TNR: variants seen among roughly 807,000 people sequenced by gnomAD.
The protein encoded by TNR is tenascin-R.
A neutral mutation model predicts 150.4 loss-of-function variants in TNR; 45 were observed. The ratio of observed to expected loss-of-function variants is 0.30; its 90% CI spans 0.24 to 0.38. The LOEUF (loss-of-function observed/expected upper bound fraction) is 0.38. Ranked by LOEUF, TNR falls within the 10% of genes least tolerant of loss-of-function variation. The pLI, the probability that TNR is intolerant of heterozygous loss-of-function variation, is 1.00. For synonymous variants in TNR, 687 were observed against 678.4 expected, an observed-to-expected ratio of 1.01 and a Z score of -0.20; for missense variants, 1,544 against 1,759.1, an observed-to-expected ratio of 0.88 and a Z score of 2.19.
In TNR at chr1:175,579,613, T is replaced by C. The variant is rs114592517; in HGVS notation, c.-164-51244A>G. Among the ~76,000 whole-genome samples, 1,274 of 151,280 alleles carry C rather than the reference T, an allele frequency of 8.4e-3. 23 individuals are homozygous for C. Among genetic ancestry groups the C allele is most frequent in the African/African-American group, 0.028 (1,154 of 41,170 alleles). On this transcript the variant is annotated intron_variant, in intron 1 of 22. Coordinates refer to ENST00000367674, the MANE Select transcript of TNR (RefSeq NM_003285.3). ...ATGGTCAAGGTCAGGAATTTGGATG[T>C]TATCTAGTATCAGTTATAACCCACT...
At chr1:175,458,097 T>A (rs900852702) in intron 2 of TNR, among the ~76,000 whole-genome samples, 18 of 152,248 alleles carry the variant, frequency 1.2e-4, no homozygotes. Context: ...GTGTGTAAAG[T>A]GCTGAGCACA....
intron 2 of TNR, among the ~76,000 whole-genome samples, chr1:175,473,639 C>T (rs749189450): frequency 3.3e-5 from 5 of 152,190 alleles, no homozygotes; most frequent in Admixed American, 1.3e-4. Flanking sequence ...ATTTGGGTGG[C>T]TCCTGCCCCT....
chr1:175,458,973 G>A (rs1349201825), intron 2 of TNR, among the ~76,000 whole-genome samples: 1 of 145,232 alleles, frequency 6.9e-6, no homozygotes, highest in Non-Finnish European at 1.5e-5. Context: ...TCACCACCAC[G>A]TTAACCACAC....
chr1:175,596,001 G>A (rs564304901), intron 1 of TNR, among the ~76,000 whole-genome samples: 239 of 152,168 alleles, frequency 1.6e-3, no homozygotes, highest in African/African-American at 5.5e-3. Context: ...GAATCCTATG[G>A]TTCTTCTGTT....
intron 1 of TNR, among the ~76,000 whole-genome samples, chr1:175,731,339 A>C (rs1239880964): frequency 6.6e-6 from 1 of 152,234 alleles, no homozygotes; most frequent in Non-Finnish European, 1.5e-5. Context: ...GAAACTCTAT[A>C]GTAATTCTAC....
At chr1:175,332,083 C>T (rs1288002820) in intron 20 of TNR, among the ~76,000 whole-genome samples, 2 of 152,210 alleles carry the variant, frequency 1.3e-5, no homozygotes, top group African/African-American at 2.4e-5. Context: ...ATCCATCCCC[C>T]AGGCTGCTAC....
chr1:175,469,121 T>C (rs1030905765), intron 2 of TNR, among the ~76,000 whole-genome samples: 12 of 152,160 alleles, frequency 7.9e-5, no homozygotes, highest in African/African-American at 2.9e-4. Flanking sequence ...TGAGCTCAGT[T>C]TGAGGCTTAT....
At chr1:175,712,348 G>C (rs1667040749) in intron 1 of TNR, among the ~76,000 whole-genome samples, 1 of 152,140 alleles carries the variant, frequency 6.6e-6, no homozygotes, top group Admixed American at 6.5e-5. Flanking sequence ...GAATTGCTCT[G>C]AGGATAGCAT....
At chr1:175,699,961 C>A (rs1467204141) in intron 1 of TNR, among the ~76,000 whole-genome samples, 1 of 151,646 alleles carries the variant, frequency 6.6e-6, no homozygotes, top group African/African-American at 2.4e-5. Context: ...TAGTCTGGGT[C>A]CTACAAGAAG....
chr1:175,348,159 C>T (rs1175823318), intron 18 of TNR, among the ~76,000 whole-genome samples: 1 of 151,846 alleles, frequency 6.6e-6, no homozygotes, highest in African/African-American at 2.4e-5. Context: ...AAATTATCAG[C>T]AATACAAAAT....
At chr1:175,376,247 T>C (rs559920266) in intron 9 of TNR, among the ~76,000 whole-genome samples, 2 of 152,310 alleles carry the variant, frequency 1.3e-5, no homozygotes, top group South Asian at 4.1e-4. Context: ...ATCCAGTAGC[T>C]CACAGACCTC....
chr1:175,735,883 G>T (rs1667756640), intron 1 of TNR, among the ~76,000 whole-genome samples: 1 of 152,118 alleles, frequency 6.6e-6, no homozygotes, highest in Non-Finnish European at 1.5e-5. Context: ...ACAATTTCAA[G>T]GTAATTAATT....
intron 1 of TNR, among the ~76,000 whole-genome samples, chr1:175,550,035 G>T (rs1392256568): frequency 6.6e-6 from 1 of 152,146 alleles, no homozygotes; most frequent in Non-Finnish European, 1.5e-5. Context: ...AAGTAATAAA[G>T]ATTTAAGCCC....
At chr1:175,455,515 A>G (rs569170001) in intron 2 of TNR, among the ~76,000 whole-genome samples, 43 of 152,336 alleles carry the variant, frequency 2.8e-4, no homozygotes, top group South Asian at 6.2e-4. Context: ...AGTAAATACA[A>G]TGTGTAAACA....
chr1:175,446,619 A>G (rs1255024239), intron 2 of TNR, among the ~76,000 whole-genome samples: 1 of 152,150 alleles, frequency 6.6e-6, no homozygotes, highest in Non-Finnish European at 1.5e-5. Context: ...TGAAATTTTA[A>G]TTGTTCCTTT....
At chr1:175,671,790 C>T (rs962724949) in intron 1 of TNR, among the ~76,000 whole-genome samples, 1 of 152,112 alleles carries the variant, frequency 6.6e-6, no homozygotes, top group Non-Finnish European at 1.5e-5. Flanking sequence ...ACTGATCCTA[C>T]TAGGCACATA....
rs137971834 is a variant in TNR, at chr1:175,354,855, A to G, written c.3250-332T>C. Among the ~76,000 whole-genome samples, 16 of 152,328 alleles carry G rather than the reference A, an allele frequency of 1.1e-4. No individual in the cohort carries two copies. In the East Asian group the frequency reaches 3.1e-3, roughly 29 times the overall value. ...TGGGATCTAAGGCCTCCTTACTTCT[A>G]TCAAGCAGACTAACTCTGCTGAAAT... On this transcript the variant is annotated intron_variant, in intron 17 of 22. Coordinates refer to ENST00000367674, the MANE Select transcript of TNR (RefSeq NM_003285.3).
At chr1:175,587,097 T>C (rs1289694112) in intron 1 of TNR, among the ~76,000 whole-genome samples, 1 of 152,214 alleles carries the variant, frequency 6.6e-6, no homozygotes, top group Non-Finnish European at 1.5e-5. Flanking sequence ...TACGTCAACA[T>C]GACTTTTCCT....
At chr1:175,367,885 A>G (rs1011763143) in intron 9 of TNR, among the ~76,000 whole-genome samples, 3 of 152,156 alleles carry the variant, frequency 2.0e-5, no homozygotes, top group Non-Finnish European at 2.9e-5. Flanking sequence ...CGCCAAGTTC[A>G]GTAATTCAGG....
Sources: allele counts gnomAD v4.1 joint callset (sites outside exome capture counted in the v4.1 genomes callset), GRCh38; gene constraint gnomAD v4.1.1; transcripts MANE v1.5; gene names NCBI Gene and HGNC (gene_info 2026-07-23, HGNC 2026-07-21).